PPP3CA: variants seen among roughly 807,000 people sequenced by gnomAD.
The protein encoded by PPP3CA is CAM-PRP catalytic subunit.
Under a neutral mutation model 66.5 loss-of-function variants are expected in PPP3CA, and 14 were observed. The observed-to-expected ratio is 0.21, with a 90% CI of 0.14 to 0.33. PPP3CA has a LOEUF of 0.33. Ranked by LOEUF, PPP3CA falls within the 10% of genes least tolerant of loss-of-function variation. PPP3CA has a pLI of 1.00. For synonymous variants in PPP3CA, 232 were observed against 226.2 expected, an observed-to-expected ratio of 1.03 and a Z score of -0.23; for missense variants, 317 against 639.5, an observed-to-expected ratio of 0.50 and a Z score of 5.44.
At chr4:101,047,626 T>C (rs539057640) in intron 10 of PPP3CA, among the ~76,000 whole-genome samples, 21 of 152,232 alleles carry the variant, frequency 1.4e-4, no homozygotes, top group South Asian at 1.0e-3. Flanking sequence ...TTAAAATATA[T>C]ACATGTTTTA....
intron 1 of PPP3CA, among the ~76,000 whole-genome samples, chr4:101,236,328 A>C (rs1176714767): frequency 6.6e-6 from 1 of 152,018 alleles, no homozygotes; most frequent in Non-Finnish European, 1.5e-5. Flanking sequence ...CTAGGCACAG[A>C]AAACAGCAAA....
chr4:101,330,913 A>G (rs1323507296), intron 1 of PPP3CA, among the ~76,000 whole-genome samples: 1 of 152,112 alleles, frequency 6.6e-6, no homozygotes, highest in Non-Finnish European at 1.5e-5. Flanking sequence ...AATAAGGTCA[A>G]TAATGCCAAG....
chr4:101,257,668 C>T (rs1726888096), intron 1 of PPP3CA, among the ~76,000 whole-genome samples: 1 of 151,934 alleles, frequency 6.6e-6, no homozygotes, highest in South Asian at 2.1e-4. Flanking sequence ...ATGAAACATA[C>T]AGAACATTAC....
intron 1 of PPP3CA, among the ~76,000 whole-genome samples, chr4:101,342,853 A>C (rs769548790): frequency 3.9e-4 from 59 of 152,298 alleles, no homozygotes; most frequent in Middle Eastern, 3.4e-3. Flanking sequence ...TTTTCTTTTT[A>C]AGTAGTATTA....
chr4:101,191,214 A>G (rs1049024812), intron 2 of PPP3CA, among the ~76,000 whole-genome samples: 17 of 152,136 alleles, frequency 1.1e-4, no homozygotes, highest in African/African-American at 4.1e-4. Context: ...AGAACTCAGC[A>G]ATCTGTATTT....
At chr4:101,043,448 A>T (rs1029070955) in intron 10 of PPP3CA, among the ~76,000 whole-genome samples, 4 of 152,116 alleles carry the variant, frequency 2.6e-5, no homozygotes, top group Admixed American at 2.6e-4. Flanking sequence ...TTATATTTTC[A>T]GATAAAATGA....
At chr4:101,158,464 T>A (rs1723396583) in intron 2 of PPP3CA, 1 of 152,246 alleles carries the variant, frequency 6.6e-6, no homozygotes, top group African/African-American at 2.4e-5. Flanking sequence ...TTTAATTTTT[T>A]GTTGTTGAGG....
chr4:101,072,613 A>G (rs547943859), intron 8 of PPP3CA, among the ~76,000 whole-genome samples: 1 of 152,342 alleles, frequency 6.6e-6, no homozygotes, highest in African/African-American at 2.4e-5. Flanking sequence ...TAAGTGCTCA[A>G]AAATGTTAGT....
chr4:101,045,960 T>A (rs1727747087), intron 10 of PPP3CA, among the ~76,000 whole-genome samples: 2 of 152,206 alleles, frequency 1.3e-5, no homozygotes, highest in Non-Finnish European at 2.9e-5. Flanking sequence ...TGTAATAAAA[T>A]GTCAAAAAAT....
In PPP3CA at chr4:101,025,982, C is replaced by T; in HGVS notation, c.1449G>A (p.Met483Ile). ...AGGGCATGGCATCTCTGCGAGGCGG[C>T]ATCCTCTCATTAATTCGGTCTAAGC... ...AKGLDRINERMPPRRDAMPSD... is the reference protein window; with the variant it reads ...AKGLDRINERIPPRRDAMPSD... The change falls in exon 14 of 14, where the codon ATG (methionine) becomes ATA (isoleucine). Residue 483 changes from methionine (M) to isoleucine (I), a missense_variant. Met to Ile is a conservative substitution (Grantham distance 10). Transcript: ENST00000394854. 6.2e-7 allele frequency: 1 copy of T among 1,613,920 alleles called. No individual in the cohort carries two copies. Among genetic ancestry groups the T allele is most frequent in the Non-Finnish European group, 8.5e-7 (1 of 1,179,894 alleles).
At chr4:101,291,519 C>T (rs1333483803) in intron 1 of PPP3CA, among the ~76,000 whole-genome samples, 2 of 152,208 alleles carry the variant, frequency 1.3e-5, no homozygotes, top group Non-Finnish European at 2.9e-5. Context: ...TCCATATCTC[C>T]ATTGCTTTCA....
chr4:101,275,320 G>A (rs137934957), intron 1 of PPP3CA, among the ~76,000 whole-genome samples: 2 of 152,248 alleles, frequency 1.3e-5, no homozygotes, highest in African/African-American at 4.8e-5. Context: ...CTGATCCTCA[G>A]GGCTGCAGGT....
chr4:101,277,325 T>C (rs892723104), intron 1 of PPP3CA, among the ~76,000 whole-genome samples: 3 of 152,188 alleles, frequency 2.0e-5, no homozygotes, highest in Middle Eastern at 3.2e-3. Flanking sequence ...TCTCGGCTAT[T>C]TGGAAATTAA....
chr4:101,275,043 G>A (rs1727446514), intron 1 of PPP3CA, among the ~76,000 whole-genome samples: 1 of 152,122 alleles, frequency 6.6e-6, no homozygotes, highest in African/African-American at 2.4e-5. Context: ...GCTCCAAAAA[G>A]TTAATTATTT....
At chr4:101,172,350 T>C (rs983481826) in intron 2 of PPP3CA, among the ~76,000 whole-genome samples, 1 of 152,168 alleles carries the variant, frequency 6.6e-6, no homozygotes, top group African/African-American at 2.4e-5. Context: ...CAGAGAGAAT[T>C]ATGTACCCAT....
chr4:101,118,084 TC>T (rs1721900882), intron 2 of PPP3CA, among the ~76,000 whole-genome samples: 1 of 152,050 alleles, frequency 6.6e-6, no homozygotes, highest in Non-Finnish European at 1.5e-5. Flanking sequence ...TCTTAGTGTT[TC>T]CACTTTGGGC....
At chr4:101,200,720 C>G (rs1724942145) in intron 1 of PPP3CA, among the ~76,000 whole-genome samples, 1 of 152,078 alleles carries the variant, frequency 6.6e-6, no homozygotes, top group African/African-American at 2.4e-5. Flanking sequence ...AGTGCTTACA[C>G]AATCCTGGTG....
intron 8 of PPP3CA, among the ~76,000 whole-genome samples, chr4:101,069,459 C>T (rs1019439932): frequency 2.6e-5 from 4 of 152,150 alleles, no homozygotes; most frequent in Admixed American, 6.5e-5. Flanking sequence ...GTACCTACAA[C>T]ACCTTTTCAA....
chr4:101,222,721 T>C (rs1159125548), intron 1 of PPP3CA, among the ~76,000 whole-genome samples: 2 of 151,692 alleles, frequency 1.3e-5, no homozygotes, highest in Non-Finnish European at 3.0e-5. Flanking sequence ...CGTACAAGGA[T>C]AGTATGAGGA....
Sources: allele counts gnomAD v4.1 joint callset (sites outside exome capture counted in the v4.1 genomes callset), GRCh38; gene constraint gnomAD v4.1.1; transcripts MANE v1.5; gene names NCBI Gene and HGNC (gene_info 2026-07-23, HGNC 2026-07-21).